The following NRXN3 variants were observed in gnomAD, a reference collection of about 807,000 sequenced individuals.
NRXN3 encodes neurexin III.
In NRXN3, 32 loss-of-function variants were observed where a neutral mutation model predicts 137.6. The ratio of observed to expected loss-of-function variants is 0.23; its 90% CI spans 0.18 to 0.31. The LOEUF (loss-of-function observed/expected upper bound fraction) is 0.31, where lower values mean the gene tolerates loss of function less well. NRXN3 is among the 10% of genes least tolerant of loss of function. NRXN3 has a pLI of 1.00. For missense variants in NRXN3, 1,574 were observed against 2,062.5 expected (o/e 0.76, Z 4.59); for synonymous variants, 798 against 784.5 (o/e 1.02, Z -0.29).
chr14:78,626,281 C>A (rs958397569), intron 4 of NRXN3, among the ~76,000 whole-genome samples: 6 of 152,118 alleles, frequency 3.9e-5, no homozygotes, highest in East Asian at 1.9e-4. Context: ...GGGAGGATTG[C>A]ACTGCAAATA....
chr14:78,742,542 G>A (rs1468079972), intron 8 of NRXN3, among the ~76,000 whole-genome samples: 1 of 152,136 alleles, frequency 6.6e-6, no homozygotes, highest in Non-Finnish European at 1.5e-5. Context: ...TTTAAAGAGT[G>A]TTTCTATTAG....
intron 16 of NRXN3, among the ~76,000 whole-genome samples, chr14:79,542,275 T>C (rs1331437462): frequency 6.6e-6 from 1 of 152,150 alleles, no homozygotes; most frequent in Non-Finnish European, 1.5e-5. Context: ...GCTCTTTTGT[T>C]TTGTTTTTCT....
At chr14:78,683,373 A>G (rs76275738) in intron 6 of NRXN3, among the ~76,000 whole-genome samples, 2,789 of 152,302 alleles carry the variant, frequency 0.018, 80 homozygotes, top group East Asian at 0.14. Flanking sequence ...TCAGTCATTC[A>G]TCCGAATTAG....
intron 2 of NRXN3, among the ~76,000 whole-genome samples, chr14:78,269,779 C>T (rs1004229092): frequency 3.3e-5 from 5 of 152,142 alleles, no homozygotes; most frequent in African/African-American, 4.8e-5. Context: ...TTGCAGAACT[C>T]ACCTCCACTG....
At chr14:79,160,110 T>C (rs2060619353) in intron 15 of NRXN3, among the ~76,000 whole-genome samples, 1 of 151,866 alleles carries the variant, frequency 6.6e-6, no homozygotes, top group South Asian at 2.1e-4. Flanking sequence ...GCACTAAATC[T>C]TTGCTGCAAT....
At chr14:79,535,566 G>A (rs1435013071) in intron 16 of NRXN3, among the ~76,000 whole-genome samples, 1 of 151,924 alleles carries the variant, frequency 6.6e-6, no homozygotes, top group Non-Finnish European at 1.5e-5. Context: ...TCCAGTAGCA[G>A]GCATTCTACC....
At chr14:79,029,354 A>G (rs2099603628) in intron 15 of NRXN3, among the ~76,000 whole-genome samples, 1 of 152,130 alleles carries the variant, frequency 6.6e-6, no homozygotes, top group South Asian at 2.1e-4. Context: ...TGTCAAACTT[A>G]TTATTTGCAA....
At chr14:79,607,405 C>T (rs1036610362) in intron 16 of NRXN3, among the ~76,000 whole-genome samples, 1 of 152,150 alleles carries the variant, frequency 6.6e-6, no homozygotes, top group Non-Finnish European at 1.5e-5. Flanking sequence ...CCCAGAGAGA[C>T]AGGAAGAGAC....
At position 78,768,376 on chromosome 14, in the gene NRXN3, A is replaced by G. The variant is rs567755450; in HGVS notation, c.2045-35244A>G. ...TTAGAGAAAAACAAAATTCATGCACATGAGAGAGTTCTTATAAGATGGAAG... is the reference window on the plus strand; with the variant it reads ...TTAGAGAAAAACAAAATTCATGCACGTGAGAGAGTTCTTATAAGATGGAAG... On this transcript the variant is annotated intron_variant, in intron 8 of 20. Transcript: ENST00000335750. 1.1e-4 allele frequency among the ~76,000 whole-genome samples: 16 copies of G among 152,316 alleles called. No individual in the cohort carries two copies. In the South Asian group the frequency reaches 1.9e-3, roughly 18 times the overall value.
chr14:79,432,507 G>T (rs1003540867), intron 15 of NRXN3, among the ~76,000 whole-genome samples: 1 of 152,124 alleles, frequency 6.6e-6, no homozygotes. Flanking sequence ...TTAATAAAAA[G>T]ATCTCATATA....
chr14:79,618,245 C>T (rs892389788), intron 16 of NRXN3, among the ~76,000 whole-genome samples: 1 of 151,940 alleles, frequency 6.6e-6, no homozygotes, highest in Non-Finnish European at 1.5e-5. Context: ...AGGCTTGTTA[C>T]ATGGATAGAT....
intron 16 of NRXN3, among the ~76,000 whole-genome samples, chr14:79,576,634 C>G (rs376724205): frequency 6.6e-6 from 1 of 152,110 alleles, no homozygotes; most frequent in African/African-American, 2.4e-5. Flanking sequence ...CACTTCCTAT[C>G]TGTTCAGTCT....
intron 15 of NRXN3, among the ~76,000 whole-genome samples, chr14:79,019,751 T>G (rs2152435371): frequency 6.6e-6 from 1 of 152,192 alleles, no homozygotes; most frequent in Non-Finnish European, 1.5e-5. Context: ...GGAGGGCAAC[T>G]GCAGAGAACA....
intron 19 of NRXN3, among the ~76,000 whole-genome samples, chr14:79,725,652 G>A (rs1315576610): frequency 6.6e-6 from 1 of 152,046 alleles, no homozygotes; most frequent in Non-Finnish European, 1.5e-5. Context: ...AAAAAAAAGT[G>A]GTATATCCCA....
At chr14:79,137,806 GT>G (rs1347381433) in intron 15 of NRXN3, among the ~76,000 whole-genome samples, 1 of 151,980 alleles carries the variant, frequency 6.6e-6, no homozygotes, top group Non-Finnish European at 1.5e-5. Flanking sequence ...CCTGGCATAT[GT>G]TTTTTTCTCT....
intron 16 of NRXN3, among the ~76,000 whole-genome samples, chr14:79,566,457 C>G (rs570391407): frequency 6.6e-6 from 1 of 152,038 alleles, no homozygotes; most frequent in African/African-American, 2.4e-5. Flanking sequence ...GCAGTTTACT[C>G]TAGAATTTCT....
At chr14:79,662,938 G>T (rs571652447) in intron 16 of NRXN3, among the ~76,000 whole-genome samples, 126 of 152,172 alleles carry the variant, frequency 8.3e-4, no homozygotes, top group African/African-American at 3.0e-3. Context: ...CAGGAGATTT[G>T]GGTGGGGACA....
At chr14:79,052,496 A>G (rs577646619) in intron 15 of NRXN3, among the ~76,000 whole-genome samples, 9 of 152,338 alleles carry the variant, frequency 5.9e-5, no homozygotes, top group Non-Finnish European at 1.2e-4. Flanking sequence ...GCAGTGGGAT[A>G]CATCCTGCAC....
intron 15 of NRXN3, among the ~76,000 whole-genome samples, chr14:79,077,694 G>A (rs1203649855): frequency 6.6e-6 from 1 of 152,122 alleles, no homozygotes; most frequent in African/African-American, 2.4e-5. Flanking sequence ...TTGCAGATCA[G>A]CCCCTTATAA....
Sources: allele counts gnomAD v4.1 joint callset (sites outside exome capture counted in the v4.1 genomes callset), GRCh38; gene constraint gnomAD v4.1.1; transcripts MANE v1.5; gene names NCBI Gene and HGNC (gene_info 2026-07-23, HGNC 2026-07-21).